UNC79: variants seen among roughly 807,000 people sequenced by gnomAD.
The protein encoded by UNC79 is protein unc-79 homolog.
Under a neutral mutation model 283.1 loss-of-function variants are expected in UNC79, and 37 were observed. The ratio of observed to expected loss-of-function variants is 0.13; its 90% CI spans 0.10 to 0.17. The LOEUF is 0.17. Ranked by LOEUF, UNC79 falls within the 10% of genes least tolerant of loss-of-function variation. UNC79 has a pLI of 1.00. For synonymous variants in UNC79, 1,107 were observed against 1,200.2 expected (o/e 0.92, Z 1.61); for missense variants, 2,272 against 3,211.1 (o/e 0.71, Z 7.07).
intron 1 of UNC79, among the ~76,000 whole-genome samples, chr14:93,373,937 G>GCA (rs1454842816): frequency 3.9e-5 from 6 of 152,308 alleles, no homozygotes; most frequent in Admixed American, 2.6e-4. Context: ...TCCCAGGTAT[G>GCA]CCTTAGTTGC....
chr14:93,465,743 C>A (rs1442202477), intron 1 of UNC79, among the ~76,000 whole-genome samples: 1 of 152,128 alleles, frequency 6.6e-6, no homozygotes, highest in Non-Finnish European at 1.5e-5. Flanking sequence ...ATTGTCCATA[C>A]CCTGTACTAT....
chr14:93,580,409 A>G, intron 19 of UNC79, 33 bp downstream of exon 19: 1 of 1,597,238 alleles, frequency 6.3e-7, no homozygotes, highest in Non-Finnish European at 8.5e-7. Flanking sequence ...TGACCCATGT[A>G]TAATAGCATT....
intron 7 of UNC79, among the ~76,000 whole-genome samples, chr14:93,520,470 T>C (rs979408493): frequency 1.3e-5 from 2 of 152,052 alleles, no homozygotes; most frequent in Admixed American, 1.3e-4. Flanking sequence ...TTTTTAGCCA[T>C]TGTCTCTTCA....
intron 1 of UNC79, among the ~76,000 whole-genome samples, chr14:93,414,947 A>G (rs1193069406): frequency 2.0e-5 from 3 of 152,332 alleles, no homozygotes; most frequent in Non-Finnish European, 2.9e-5. Context: ...TTCTAGATAC[A>G]CAGTCATGTC....
intron 20 of UNC79, among the ~76,000 whole-genome samples, chr14:93,584,593 C>T (rs1195405666): frequency 6.6e-6 from 1 of 152,212 alleles, no homozygotes; most frequent in Non-Finnish European, 1.5e-5. Flanking sequence ...TCTTTCTATG[C>T]AAATATATTT....
At chr14:93,602,838 G>T (rs1252456812) in intron 25 of UNC79, among the ~76,000 whole-genome samples, 3 of 151,986 alleles carry the variant, frequency 2.0e-5, no homozygotes, top group African/African-American at 7.3e-5. Flanking sequence ...TGGGGGTCTT[G>T]CTATATTGCC....
At chr14:93,541,641 T>A (rs1369250597) in intron 13 of UNC79, among the ~76,000 whole-genome samples, 1 of 152,194 alleles carries the variant, frequency 6.6e-6, no homozygotes, top group African/African-American at 2.4e-5. Flanking sequence ...TTATTTTTTT[T>A]ATTCCTGGAC....
intron 1 of UNC79, among the ~76,000 whole-genome samples, chr14:93,423,034 G>A (rs2055633439): frequency 7.9e-6 from 1 of 126,346 alleles, no homozygotes; most frequent in African/African-American, 3.1e-5. Context: ...CTGCACTCCA[G>A]CCTGGGGGAC....
At chr14:93,459,116 G>A (rs1221574239) in intron 1 of UNC79, among the ~76,000 whole-genome samples, 3 of 152,046 alleles carry the variant, frequency 2.0e-5, no homozygotes, top group Non-Finnish European at 4.4e-5. Context: ...CTCAGCCTCC[G>A]GAGGAGCTGA....
At chr14:93,339,842 A>C (rs1033881610) in intron 1 of UNC79, among the ~76,000 whole-genome samples, 1 of 152,220 alleles carries the variant, frequency 6.6e-6, no homozygotes, top group East Asian at 1.9e-4. Flanking sequence ...AATCTATGAC[A>C]TTTACACATT....
intron 32 of UNC79, among the ~76,000 whole-genome samples, 161 bp from the exon 36 acceptor site, chr14:93,640,984 C>T (rs2068974172): frequency 6.6e-6 from 1 of 152,186 alleles, no homozygotes; most frequent in Non-Finnish European, 1.5e-5. Flanking sequence ...TCTTTCTTGA[C>T]TTCATTTCAT....
chr14:93,706,255 A>G (rs2075872460), intron 48 of UNC79, among the ~76,000 whole-genome samples: 1 of 152,052 alleles, frequency 6.6e-6, no homozygotes, highest in Non-Finnish European at 1.5e-5. Flanking sequence ...AAGTGTCACT[A>G]TCCCCCCTTT....
intron 14 of UNC79, among the ~76,000 whole-genome samples, chr14:93,557,811 G>A (rs2062259853): frequency 6.6e-6 from 1 of 152,236 alleles, no homozygotes; most frequent in Non-Finnish European, 1.5e-5. Context: ...CAGAGCTACA[G>A]TATTGTTCTT....
exon 4 of UNC79, chr14:93,477,571 G>T: frequency 6.3e-7 from 1 of 1,599,490 alleles, no homozygotes; most frequent in Non-Finnish European, 8.5e-7. Flanking sequence ...TTGGACAGTC[G>T]ATATTTTATA....
chr14:93,652,130 C>A (rs541475475), intron 35 of UNC79, among the ~76,000 whole-genome samples: 10 of 151,942 alleles, frequency 6.6e-5, no homozygotes, highest in Non-Finnish European at 1.5e-4. Flanking sequence ...ATGGGAGAGT[C>A]GGCACCCTTT....
intron 47 of UNC79, among the ~76,000 whole-genome samples, chr14:93,698,481 T>TG (rs1244867968): frequency 0.015 from 1,451 of 98,658 alleles, 45 homozygotes; most frequent in African/African-American, 0.068. Context: ...TTTAGGTTTT[T>TG]TTTTTTTTTT....
Position 93,621,808 on chromosome 14 carries a change from G to T in UNC79, c.4575G>T (p.Arg1525=), listed in dbSNP as rs565532757. ...ATCGTAGGAAGTCGTGCATAGATCG[G>T]TGTGACATAGAGAAGCCTCCGACCC... Residue 1525 remains arginine, a synonymous_variant, in exon 30 of 49, where the codon CGG becomes CGT. Coordinates refer to ENST00000555664, the Ensembl canonical transcript of UNC79. The surrounding 1 kb of genome is among the most constrained non-coding windows in gnomAD (Gnocchi z 4.8). 1 of 1,614,116 alleles carries T rather than the reference G, an allele frequency of 6.2e-7. No homozygotes were observed. Among genetic ancestry groups the T allele is most frequent in the Non-Finnish European group, 8.5e-7 (1 of 1,180,018 alleles).
Position 93,621,204 on chromosome 14 carries a change from G to A in UNC79, c.4388-417G>A, listed in dbSNP as rs921759377. Among the ~76,000 whole-genome samples, 1 of 151,938 alleles carries A rather than the reference G, an allele frequency of 6.6e-6. No homozygotes were observed. Among genetic ancestry groups the A allele is most frequent in the African/African-American group, 2.4e-5 (1 of 41,350 alleles). On this transcript the variant is annotated intron_variant, in intron 29 of 48. Transcript: ENST00000555664. The surrounding 1 kb of genome is among the most constrained non-coding windows in gnomAD (Gnocchi z 4.8). The stretch of plus-strand genomic sequence containing the variant: ...TATATATACACATTTATATATATAC[G>A]TGAATCGACAGATACATCATTAATG...
intron 13 of UNC79, among the ~76,000 whole-genome samples, chr14:93,541,164 TGTCAAGTAC>T (rs1197121734): frequency 5.3e-5 from 8 of 152,200 alleles, no homozygotes; most frequent in Admixed American, 5.2e-4. Flanking sequence ...TAGTATATAT[TGTCAAGTAC>T]TGGATTCAAT....
Sources: gnomAD v4.1 joint callset for allele counts (sites outside exome capture counted in the v4.1 genomes callset) on GRCh38, gnomAD v4.1.1 for gene constraint, Gnocchi (gnomAD v3.1) non-coding constraint, MANE v1.5 for transcripts, NCBI Gene and HGNC (gene_info 2026-07-23, HGNC 2026-07-21) for gene names.